Variants in GSK3B observed in about 807,000 individuals in gnomAD.
The protein encoded by GSK3B is glycogen synthase kinase 3 beta.
GSK3B carries 15 observed loss-of-function variants against 56.4 expected under a neutral mutation model. The observed-to-expected ratio is 0.27, with a 90% CI of 0.18 to 0.41. GSK3B has a LOEUF of 0.41. GSK3B is among the 10% of genes least tolerant of loss of function. The pLI is 1.00. For synonymous variants in GSK3B, 181 were observed against 188.9 expected, an observed-to-expected ratio of 0.96 and a Z score of 0.34; for missense variants, 300 against 513.4, an observed-to-expected ratio of 0.58 and a Z score of 4.02.
intron 3 of GSK3B, among the ~76,000 whole-genome samples, chr3:119,940,935 T>C (rs981741431): frequency 6.6e-6 from 1 of 152,164 alleles, no homozygotes; most frequent in African/African-American, 2.4e-5. Context: ...TTTAGATTAA[T>C]GCCTGGCATA....
intron 7 of GSK3B, among the ~76,000 whole-genome samples, chr3:119,881,825 C>A (rs2056382105): frequency 6.6e-6 from 1 of 152,168 alleles, no homozygotes; most frequent in Non-Finnish European, 1.5e-5. Context: ...TGAATCACGG[C>A]AGTAGTTTGT....
intron 6 of GSK3B, among the ~76,000 whole-genome samples, chr3:119,906,810 A>C (rs569189285): frequency 3.9e-5 from 6 of 152,252 alleles, no homozygotes; most frequent in African/African-American, 1.4e-4. Context: ...AAGGAGAAGA[A>C]GGAACAGTAA....
intron 10 of GSK3B, among the ~76,000 whole-genome samples, chr3:119,833,690 GTTTTTTTTTTTT>G (rs902919136): frequency 5.1e-4 from 39 of 75,788 alleles, no homozygotes; most frequent in South Asian, 2.4e-3. Flanking sequence ...ACATTAGGTT[GTTTTTTTTTTTT>G]TTTTTTTTTT....
At chr3:120,054,692 C>T (rs1482000762) in intron 1 of GSK3B, among the ~76,000 whole-genome samples, 1 of 152,156 alleles carries the variant, frequency 6.6e-6, no homozygotes, top group African/African-American at 2.4e-5. Context: ...GCATTTCCTT[C>T]ACCTACTTAT....
At chr3:119,862,524 T>TAAAAAAAAAA (rs5852229) in intron 9 of GSK3B, among the ~76,000 whole-genome samples, 7 of 111,860 alleles carry the variant, frequency 6.3e-5, no homozygotes, top group Admixed American at 1.9e-4. Flanking sequence ...TAGAGTATAA[T>TAAAAAAAAAA]AAAAAAAAAA....
intron 3 of GSK3B, among the ~76,000 whole-genome samples, chr3:119,927,684 C>G (rs2056901107): frequency 6.6e-6 from 1 of 151,970 alleles, no homozygotes; most frequent in African/African-American, 2.4e-5. Context: ...ACTCAGGAAG[C>G]AAGAGTGGAG....
intron 10 of GSK3B, among the ~76,000 whole-genome samples, chr3:119,835,056 T>C (rs2055668397): frequency 2.0e-5 from 3 of 152,208 alleles, no homozygotes. Context: ...GTATTTCAAA[T>C]GCAGAGCCAA....
intron 8 of GSK3B, among the ~76,000 whole-genome samples, chr3:119,873,720 T>C (rs1003821849): frequency 6.6e-6 from 1 of 152,156 alleles, no homozygotes. Context: ...ATCATCTAGA[T>C]GACAGAGAAA....
chr3:119,920,965 A>T (rs1284473146), intron 4 of GSK3B, among the ~76,000 whole-genome samples: 1 of 152,194 alleles, frequency 6.6e-6, no homozygotes, highest in Non-Finnish European at 1.5e-5. Context: ...TAGCATCCAG[A>T]CTGTGGTCTC....
At chr3:119,836,990 G>C (rs2055701135) in intron 10 of GSK3B, among the ~76,000 whole-genome samples, 1 of 152,156 alleles carries the variant, frequency 6.6e-6, no homozygotes, top group Non-Finnish European at 1.5e-5. Flanking sequence ...ACAAATCCAG[G>C]ATTAGGATTT....
At chr3:120,050,640 G>A (rs1476046787) in intron 1 of GSK3B, among the ~76,000 whole-genome samples, 1 of 152,114 alleles carries the variant, frequency 6.6e-6, no homozygotes, top group African/African-American at 2.4e-5. Context: ...AAGATAGAGA[G>A]GAAGAAGAAG....
At chr3:120,026,512 TACACAC>T (rs61580328) in intron 1 of GSK3B, among the ~76,000 whole-genome samples, 4,578 of 130,468 alleles carry the variant, frequency 0.035, 129 homozygotes, top group East Asian at 0.079. Context: ...TACCGCCAAA[TACACAC>T]ACACACACAC....
chr3:119,848,818 A>G (rs959091861), intron 9 of GSK3B, among the ~76,000 whole-genome samples: 4 of 152,216 alleles, frequency 2.6e-5, no homozygotes, highest in African/African-American at 9.6e-5. Flanking sequence ...GAAAAGCTTA[A>G]AACTGAGAAA....
chr3:119,856,645 G>A (rs1227119409), intron 9 of GSK3B, among the ~76,000 whole-genome samples: 1 of 152,034 alleles, frequency 6.6e-6, no homozygotes, highest in Non-Finnish European at 1.5e-5. Flanking sequence ...CCTGTGGTGT[G>A]TCTCCACTGG....
intron 8 of GSK3B, among the ~76,000 whole-genome samples, chr3:119,875,238 A>C (rs1251002697): frequency 6.6e-6 from 1 of 152,050 alleles, no homozygotes; most frequent in Non-Finnish European, 1.5e-5. Flanking sequence ...ATAGATAATG[A>C]GATTATAAGA....
In GSK3B at chr3:120,005,843, C is replaced by T. The variant is rs541543156; in HGVS notation, c.89-3604G>A. ...AAACATGCCAAATTATAAAGACCAT[C>T]GATGCTAAGAAGAAATTGCATCAAT... is the stretch of plus-strand genomic sequence containing the variant. On this transcript the variant is annotated intron_variant, in intron 1 of 10. Transcript: ENST00000264235. 2.6e-5 allele frequency among the ~76,000 whole-genome samples: 4 copies of T among 152,242 alleles called. No individual in the cohort carries two copies. The South Asian group carries it at 6.2e-4, about 24-fold the overall frequency.
intron 1 of GSK3B, among the ~76,000 whole-genome samples, chr3:120,062,734 T>C (rs987384702): frequency 6.6e-6 from 1 of 152,254 alleles, no homozygotes; most frequent in African/African-American, 2.4e-5. Context: ...CCTACTTTTA[T>C]GGAACTTACA....
At chr3:119,838,728 T>G (rs1451276870) in intron 10 of GSK3B, among the ~76,000 whole-genome samples, 1 of 152,224 alleles carries the variant, frequency 6.6e-6, no homozygotes, top group Non-Finnish European at 1.5e-5. Flanking sequence ...TTGTTATATA[T>G]TAATACATAC....
chr3:119,975,366 G>A (rs185059699), intron 2 of GSK3B, among the ~76,000 whole-genome samples: 92 of 152,240 alleles, frequency 6.0e-4, no homozygotes, highest in East Asian at 1.5e-3. Context: ...AGAATCGCTT[G>A]AACCTGGGAG....
Sources: gnomAD v4.1 joint callset for allele counts (sites outside exome capture counted in the v4.1 genomes callset) on GRCh38, gnomAD v4.1.1 for gene constraint, MANE v1.5 for transcripts, NCBI Gene and HGNC (gene_info 2026-07-23, HGNC 2026-07-21) for gene names.